The following GRIK5 variants were observed in gnomAD, a reference collection of about 807,000 sequenced individuals.
GRIK5 encodes glutamate receptor ionotropic, kainate 5.
GRIK5 carries 43 observed loss-of-function variants against 97.4 expected under a neutral mutation model. The observed-to-expected ratio is 0.44, with a 90% CI of 0.35 to 0.57. The LOEUF is 0.57. Among genes scored for constraint, GRIK5 ranks in the 20% least tolerant of loss-of-function variants. The pLI is 0.01. For missense variants in GRIK5, 1,015 were observed against 1,382.0 expected, an observed-to-expected ratio of 0.73 and a Z score of 4.21; for synonymous variants, 580 against 583.5, an observed-to-expected ratio of 0.99 and a Z score of 0.09.
rs967643615 is a variant in GRIK5, at chr19:42,042,921, G to C, written c.1270-166C>G. ...TTACAAATGCTCAGAGTGGGGAATA[G>C]ACCTGAAAGCCAGGGAAAAACACAT... On this transcript the variant is annotated intron_variant, in intron 11 of 19. Coordinates refer to ENST00000593562, the MANE Select transcript of GRIK5 (RefSeq NM_002088.5). This position sits in a 1 kb window ranked among gnomAD's most constrained non-coding sequence, Gnocchi z 6.9. 3 of 620,516 alleles carry C rather than the reference G, an allele frequency of 4.8e-6. No homozygotes were observed. Among genetic ancestry groups the C allele is most frequent in the Non-Finnish European group, 8.4e-6 (3 of 355,332 alleles). The allele number at this position is 620,516 out of a possible 1,614,324, so 38.4% of individuals were successfully genotyped here. A position where few individuals can be genotyped will look rare whatever the true frequency, so the allele number is the denominator to read the frequency against.
At chr19:42,056,883 G>A in intron 7 of GRIK5, 42 bp downstream of exon 7, 2 of 1,611,030 alleles carry the variant, frequency 1.2e-6, no homozygotes, top group Non-Finnish European at 1.7e-6. Flanking sequence ...AGCTGTGATG[G>A]GAAGGAAGTG....
In GRIK5 at chr19:42,006,742, C is replaced by T; in HGVS notation, c.1940G>A (p.Arg647His). Residue 647 changes from arginine (R) to histidine (H), a missense_variant, in exon 16 of 20, where the codon CGC becomes CAC. Around this residue, in one of 5 missense-constraint regions of GRIK5, gnomAD observed 477 missense variants for 701.1 expected, o/e 0.68. Transcript: ENST00000593562. This position sits in a 1 kb window ranked among gnomAD's most constrained non-coding sequence, Gnocchi z 5.3. ...ANLAAFLTVQRMEVPVESADD... is the reference protein window; with the variant it reads ...ANLAAFLTVQHMEVPVESADD... ...GGCCGACTCCACAGGCACCTCCATG[C>T]GCTGCACGGTGAGGAAGGCGGCCAG... 2 of 1,613,752 alleles carry T rather than the reference C, an allele frequency of 1.2e-6. No individual in the cohort carries two copies. Among genetic ancestry groups the T allele is most frequent in the Non-Finnish European group, 1.7e-6 (2 of 1,179,778 alleles).
At chr19:42,013,061 A>G (rs960265231) in intron 15 of GRIK5, among the ~76,000 whole-genome samples, 1 of 151,816 alleles carries the variant, frequency 6.6e-6, no homozygotes, top group African/African-American at 2.4e-5. Flanking sequence ...AAAGTACAAA[A>G]TATTTACTTA....
At position 41,998,781 on chromosome 19, in the gene GRIK5, C is replaced by T. The variant is rs557005870; in HGVS notation, c.*90G>A. 4.6e-6 allele frequency: 3 copies of T among 645,792 alleles called. No individual in the cohort carries two copies. Among genetic ancestry groups the T allele is most frequent in the Non-Finnish European group, 5.9e-6 (3 of 506,392 alleles). 40.0% of individuals were successfully genotyped at this position (645,792 alleles called of 1,614,324 possible). ...GGGCGCCGGCGCACAAGTCCTGTCC[C>T]GCGCCCGCTGCGGGAGCGGAGACTG... is the stretch of plus-strand genomic sequence containing the variant. On this transcript the variant is annotated 3_prime_UTR_variant, in exon 20 of 20. Transcript: ENST00000593562.
chr19:42,054,068 T>C, intron 9 of GRIK5, 139 bp from the exon 10 acceptor site: 1 of 664,434 alleles, frequency 1.5e-6, no homozygotes, highest in Non-Finnish European at 2.6e-6. Flanking sequence ...AAGAGGAAGA[T>C]CACAGTCAAA....
At chr19:42,016,852 A>G (rs970706639) in intron 15 of GRIK5, among the ~76,000 whole-genome samples, 14 of 152,278 alleles carry the variant, frequency 9.2e-5, no homozygotes, top group African/African-American at 2.4e-4. Context: ...GGACAGCCGG[A>G]TAATTCGAGG....
chr19:42,037,851 G>A (rs998785767), intron 12 of GRIK5, among the ~76,000 whole-genome samples: 8 of 152,214 alleles, frequency 5.3e-5, no homozygotes, highest in East Asian at 3.8e-4. Context: ...GGTCCTTGAC[G>A]GCCAGCTCAG....
chr19:42,056,141 T>C (rs2076181250), intron 8 of GRIK5, among the ~76,000 whole-genome samples: 1 of 152,092 alleles, frequency 6.6e-6, no homozygotes, highest in South Asian at 2.1e-4. Context: ...CCTGCCATCA[T>C]GCCCAGCTAA....
At chr19:42,064,922 G>A (rs970402430) in intron 3 of GRIK5, among the ~76,000 whole-genome samples, 1 of 152,198 alleles carries the variant, frequency 6.6e-6, no homozygotes, top group Non-Finnish European at 1.5e-5. Flanking sequence ...CTCCATGCCT[G>A]GGGCTTGTTA....
chr19:42,053,686 G>A lies in GRIK5; in HGVS notation c.1185C>T (p.Arg395=). The change falls in exon 11 of 20, where the codon CGC becomes CGT. Residue 395 remains arginine, a synonymous_variant. Coordinates refer to ENST00000593562, the MANE Select transcript of GRIK5 (RefSeq NM_002088.5). ...GGGTGGTGGCATTCATGGCCAGGGTGCGGTTAGAGTACCACACCCCAATCT... is the reference window on the plus strand; with the variant it reads ...GGGTGGTGGCATTCATGGCCAGGGTACGGTTAGAGTACCACACCCCAATCT... ...HREIGVWYSN[R]TLAMNATTLD... is the part of the protein sequence containing the mutation. 1 of 1,612,264 alleles carries A rather than the reference G, an allele frequency of 6.2e-7. No individual in the cohort carries two copies. The highest frequency in any genetic ancestry group is 8.5e-7 in the Non-Finnish European group (1 of 1,178,250).
At chr19:42,035,476 G>T (rs1221144205) in intron 12 of GRIK5, among the ~76,000 whole-genome samples, 1 of 152,086 alleles carries the variant, frequency 6.6e-6, no homozygotes, top group Admixed American at 6.6e-5. Context: ...GGAGGCCGAG[G>T]TGAGCAGATC....
intron 6 of GRIK5, among the ~76,000 whole-genome samples, chr19:42,057,445 C>T (rs2076202081): frequency 6.6e-6 from 1 of 151,818 alleles, no homozygotes; most frequent in Admixed American, 6.6e-5. Context: ...GATCATAGCT[C>T]ACTGAAGCCT....
chr19:42,038,441 A>G (rs1350633343), intron 12 of GRIK5, among the ~76,000 whole-genome samples: 2 of 152,250 alleles, frequency 1.3e-5, no homozygotes, highest in Non-Finnish European at 2.9e-5. Context: ...GTCACTAGCC[A>G]TGGGCCTGGA....
intron 15 of GRIK5, among the ~76,000 whole-genome samples, chr19:42,020,530 G>A (rs555905845): frequency 2.0e-5 from 3 of 152,134 alleles, no homozygotes; most frequent in South Asian, 2.1e-4. Flanking sequence ...AAACCTACTG[G>A]GCTGCATTCC....
chr19:42,049,340 A>C (rs2076083223), intron 11 of GRIK5, among the ~76,000 whole-genome samples: 2 of 152,238 alleles, frequency 1.3e-5, no homozygotes, highest in African/African-American at 4.8e-5. Context: ...CATGTTCACC[A>C]AAAGACATGG....
At chr19:42,016,830 G>C (rs2075630491) in intron 15 of GRIK5, among the ~76,000 whole-genome samples, 3 of 152,162 alleles carry the variant, frequency 2.0e-5, no homozygotes, top group Admixed American at 2.0e-4. Flanking sequence ...TGGGCCACTG[G>C]TGCTCAGCGT....
chr19:42,055,831 C>CCT (rs2076175745), intron 8 of GRIK5, among the ~76,000 whole-genome samples: 2 of 151,692 alleles, frequency 1.3e-5, no homozygotes, highest in African/African-American at 4.8e-5. Context: ...TACAGGCATA[C>CCT]GCCACCACAC....
intron 11 of GRIK5, among the ~76,000 whole-genome samples, chr19:42,050,255 C>T (rs762855636): frequency 1.3e-5 from 2 of 152,198 alleles, no homozygotes; most frequent in Non-Finnish European, 2.9e-5. Flanking sequence ...AATCCCCTCA[C>T]TTTAAAGGAG....
intron 17 of GRIK5, among the ~76,000 whole-genome samples, chr19:42,005,252 A>AC (rs2075473586): frequency 1.3e-5 from 2 of 150,606 alleles, no homozygotes; most frequent in South Asian, 2.1e-4. Context: ...AAAAAAAAAA[A>AC]AAAAACAAAA....
Sources: gnomAD v4.1 joint callset for allele counts (sites outside exome capture counted in the v4.1 genomes callset) on GRCh38, gnomAD v4.1.1 for gene constraint, gnomAD v4.1.1 regional missense constraint, Gnocchi (gnomAD v3.1) non-coding constraint, MANE v1.5 for transcripts, NCBI Gene and HGNC (gene_info 2026-07-23, HGNC 2026-07-21) for gene names.